The following CACNA1C variants were observed in gnomAD, a reference collection of about 807,000 sequenced individuals.
The protein encoded by CACNA1C is calcium voltage-gated channel subunit alpha1 C, also known as voltage-dependent L-type calcium channel subunit alpha-1C.
CACNA1C carries 30 observed loss-of-function variants against 229.0 expected under a neutral mutation model. That is an observed-to-expected ratio of 0.13 (90% CI 0.10 to 0.18). The LOEUF (loss-of-function observed/expected upper bound fraction) is 0.18, where lower values mean the gene tolerates loss of function less well. Ranked by LOEUF, CACNA1C falls within the 10% of genes least tolerant of loss-of-function variation. The pLI, the probability that CACNA1C is intolerant of heterozygous loss-of-function variation, is 1.00. For missense variants in CACNA1C, 1,658 were observed against 2,845.0 expected (o/e 0.58, Z 9.49); for synonymous variants, 1,114 against 1,132.5 (o/e 0.98, Z 0.33).
At chr12:2,062,273 A>C (rs764680563) in intron 1 of CACNA1C, among the ~76,000 whole-genome samples, 24 of 152,238 alleles carry the variant, frequency 1.6e-4, no homozygotes, top group Non-Finnish European at 2.2e-4. Flanking sequence ...TTGGTGCTTC[A>C]TGTGCTTAAT....
chr12:2,194,164 C>A (rs1186864404), intron 3 of CACNA1C, among the ~76,000 whole-genome samples: 4 of 151,046 alleles, frequency 2.6e-5, no homozygotes, highest in Admixed American at 2.6e-4. Flanking sequence ...CCTAGTGCTT[C>A]TCCTCCTGTT....
intron 9 of CACNA1C, among the ~76,000 whole-genome samples, chr12:2,546,956 C>A (rs2099882414): frequency 6.6e-6 from 1 of 152,166 alleles, no homozygotes; most frequent in Admixed American, 6.5e-5. Flanking sequence ...CCCTTGAATC[C>A]ACTACAGGTG....
rs537699572 is a variant in CACNA1C, at chr12:2,059,816, C to A, written c.49+6205C>A. On this transcript the variant is annotated intron_variant, in intron 1 of 46. Coordinates refer to ENST00000399655, the MANE Select transcript of CACNA1C (RefSeq NM_000719.7). ...TAACTAAATACAAGGTCTTCAGTCT[C>A]TTCATCCTCCTGCCTGTACCACACT... 7.9e-5 allele frequency among the ~76,000 whole-genome samples: 12 copies of A among 152,278 alleles called. 1 individual carries two copies. The South Asian group carries it at 2.5e-3, about 32-fold the overall frequency.
chr12:2,265,458 C>T (rs779809060), intron 3 of CACNA1C, among the ~76,000 whole-genome samples: 1 of 152,216 alleles, frequency 6.6e-6, no homozygotes, highest in Non-Finnish European at 1.5e-5. Flanking sequence ...TTCCACCTTA[C>T]TGCAGAGTGG....
intron 3 of CACNA1C, among the ~76,000 whole-genome samples, chr12:2,392,737 G>A (rs570905176): frequency 6.6e-6 from 1 of 152,302 alleles, no homozygotes; most frequent in East Asian, 1.9e-4. Flanking sequence ...CAGGTGGGAG[G>A]CAGAGGATTG....
chr12:2,350,855 C>T (rs1010497834), intron 3 of CACNA1C, among the ~76,000 whole-genome samples: 1 of 152,228 alleles, frequency 6.6e-6, no homozygotes, highest in East Asian at 1.9e-4. Context: ...TATTCTTCCA[C>T]CTGACTCAGG....
intron 30 of CACNA1C, among the ~76,000 whole-genome samples, chr12:2,638,505 G>A (rs573179376): frequency 2.6e-5 from 4 of 152,290 alleles, no homozygotes; most frequent in African/African-American, 9.6e-5. Context: ...TTGAGCAGAG[G>A]TGTCACGTGA....
At chr12:2,292,620 C>T (rs1329595378) in intron 3 of CACNA1C, among the ~76,000 whole-genome samples, 3 of 152,164 alleles carry the variant, frequency 2.0e-5, no homozygotes, top group African/African-American at 7.2e-5. Flanking sequence ...AATACTGTAC[C>T]GGCACTGGCA....
At chr12:2,576,930 C>T (rs1600766159) in intron 13 of CACNA1C, among the ~76,000 whole-genome samples, 3 of 152,208 alleles carry the variant, frequency 2.0e-5, no homozygotes, top group African/African-American at 7.2e-5. Context: ...ATCATTTCAG[C>T]AATTCCTTTG....
Position 2,556,850 on chromosome 12 carries a change from G to T in CACNA1C, c.1482-101G>T, listed in dbSNP as rs192063602. ...CCATGCCTCCTTCCAGCACCCACAC[G>T]AAATTACCTGGGGAACATCAAATTT... is the stretch of plus-strand genomic sequence containing the variant. On this transcript the variant is annotated intron_variant, in intron 10 of 46. Coordinates refer to ENST00000399655, the MANE Select transcript of CACNA1C (RefSeq NM_000719.7). 9.3e-5 allele frequency: 90 copies of T among 964,712 alleles called. No homozygotes were observed. The African/African-American group carries it at 1.4e-3, about 15-fold the overall frequency. 59.8% of individuals were successfully genotyped at this position (964,712 alleles called of 1,614,324 possible).
intron 3 of CACNA1C, among the ~76,000 whole-genome samples, chr12:2,380,777 T>C (rs1308669185): frequency 1.3e-5 from 2 of 152,224 alleles, no homozygotes; most frequent in Non-Finnish European, 2.9e-5. Flanking sequence ...ATTATTTGTG[T>C]AGAGATAAAG....
chr12:2,419,157 G>T (rs1291558413), intron 3 of CACNA1C, among the ~76,000 whole-genome samples: 3 of 152,120 alleles, frequency 2.0e-5, no homozygotes, highest in Admixed American at 6.5e-5. Context: ...CCTGAGGCTG[G>T]GTAATTTATA....
At position 2,651,805 on chromosome 12, in the gene CACNA1C, C is replaced by A. The variant is rs773077760; in HGVS notation, c.4074+37C>A. ...TCATGTCCTGCGGCCCGGGGAATCG[C>A]AGGGCTGCCGCGTGGCCCAGAACAC... is the stretch of plus-strand genomic sequence containing the variant. On this transcript the variant is annotated intron_variant, in intron 32 of 46. Transcript: ENST00000399655. This position sits in a 1 kb window ranked among gnomAD's most constrained non-coding sequence, Gnocchi z 5.4. 7.2e-6 allele frequency: 11 copies of A among 1,527,280 alleles called. No homozygotes were observed. The South Asian group carries it at 1.1e-4, about 15-fold the overall frequency. The allele number at this position is 1,527,280 out of a possible 1,614,324, so 94.6% of individuals were successfully genotyped here.
chr12:2,088,696 T>C (rs185694711), intron 1 of CACNA1C, among the ~76,000 whole-genome samples: 3 of 152,292 alleles, frequency 2.0e-5, no homozygotes, highest in East Asian at 3.9e-4. Context: ...CCTCCTCCCA[T>C]GTATCTGAAG....
intron 3 of CACNA1C, among the ~76,000 whole-genome samples, chr12:2,201,447 C>T (rs2097577792): frequency 6.6e-6 from 1 of 152,192 alleles, no homozygotes; most frequent in South Asian, 2.1e-4. Flanking sequence ...TCTTAGGAGT[C>T]GCATGTCCAT....
intron 3 of CACNA1C, among the ~76,000 whole-genome samples, chr12:2,416,039 G>A (rs548493462): frequency 7.2e-5 from 11 of 152,072 alleles, no homozygotes; most frequent in Non-Finnish European, 1.3e-4. Flanking sequence ...GTGTGGGGGC[G>A]GGACCTCTTC....
intron 26 of CACNA1C, among the ~76,000 whole-genome samples, chr12:2,607,622 G>A (rs1242104398): frequency 6.6e-6 from 1 of 152,250 alleles, no homozygotes; most frequent in Non-Finnish European, 1.5e-5. Flanking sequence ...GGAAAGGGAT[G>A]GAAGCCCGGG....
chr12:2,259,991 C>A (rs542993439), intron 3 of CACNA1C, among the ~76,000 whole-genome samples: 40 of 152,232 alleles, frequency 2.6e-4, no homozygotes, highest in African/African-American at 9.6e-4. Flanking sequence ...CTCAGAGAAT[C>A]CCCCTCTCCC....
intron 3 of CACNA1C, among the ~76,000 whole-genome samples, chr12:2,257,622 C>A (rs1356548038): frequency 1.3e-5 from 2 of 152,362 alleles, no homozygotes; most frequent in Admixed American, 6.5e-5. Flanking sequence ...TGGTTCCTAA[C>A]AGGCCATGGA....
Sources: gnomAD v4.1 joint callset for allele counts (sites outside exome capture counted in the v4.1 genomes callset) on GRCh38, gnomAD v4.1.1 for gene constraint, Gnocchi (gnomAD v3.1) non-coding constraint, MANE v1.5 for transcripts, NCBI Gene and HGNC (gene_info 2026-07-23, HGNC 2026-07-21) for gene names.